Variants in ZEB1 observed in about 807,000 individuals in gnomAD.
The protein encoded by ZEB1 is zinc finger E-box binding homeobox 1.
ZEB1 carries 21 observed loss-of-function variants against 84.9 expected under a neutral mutation model. The ratio of observed to expected loss-of-function variants is 0.25; its 90% CI spans 0.18 to 0.36. ZEB1 has a LOEUF of 0.36. ZEB1 is among the 10% of genes least tolerant of loss of function. The probability of loss-of-function intolerance (pLI) is 1.00; values close to 1 mark genes in which losing one functional copy is unlikely to be tolerated. For missense variants in ZEB1, 1,104 were observed against 1,330.2 expected, an observed-to-expected ratio of 0.83 and a Z score of 2.65; for synonymous variants, 420 against 471.1, an observed-to-expected ratio of 0.89 and a Z score of 1.41.
At chr10:31,468,292 A>G (rs1417580100) in intron 2 of ZEB1, among the ~76,000 whole-genome samples, 1 of 152,044 alleles carries the variant, frequency 6.6e-6, no homozygotes, top group East Asian at 1.9e-4. Context: ...ACACTCTTGT[A>G]TTCCTTATCA....
chr10:31,341,285 G>T (rs138397278), intron 1 of ZEB1, among the ~76,000 whole-genome samples: 34 of 152,102 alleles, frequency 2.2e-4, no homozygotes, highest in African/African-American at 6.5e-4. Flanking sequence ...TGGAGAAGAG[G>T]GAGTAGATTT....
chr10:31,421,597 C>G (rs1473268604), intron 1 of ZEB1, among the ~76,000 whole-genome samples: 3 of 151,912 alleles, frequency 2.0e-5, no homozygotes, highest in Non-Finnish European at 4.4e-5. Flanking sequence ...ATTGGTTTAT[C>G]TGTTAAAACC....
In ZEB1 at chr10:31,361,147, C is replaced by A. The variant is rs1166512536; in HGVS notation, c.58+41855C>A. ...AAAAGAAGAACTGATTGAAGAGTGGCAACCAGAACCTCTTGTTCCTCCTGT... is the reference window on the plus strand; with the variant it reads ...AAAAGAAGAACTGATTGAAGAGTGGAAACCAGAACCTCTTGTTCCTCCTGT... On this transcript the variant is annotated intron_variant, in intron 1 of 8. Transcript: ENST00000424869. The A allele has an allele frequency of 1.1e-5, 17 of 1,611,998 alleles. 1 individual carries two copies. The highest frequency in any genetic ancestry group is 4.5e-4 in the Middle Eastern group (2 of 4,430).
chr10:31,485,427 C>G (rs540147232), intron 2 of ZEB1, among the ~76,000 whole-genome samples: 2 of 151,894 alleles, frequency 1.3e-5, no homozygotes, highest in African/African-American at 4.8e-5. Context: ...ATAATTGACT[C>G]TAAAGCGTTT....
chr10:31,457,211 A>C (rs1056017422), intron 1 of ZEB1, among the ~76,000 whole-genome samples: 8 of 152,178 alleles, frequency 5.3e-5, no homozygotes, highest in African/African-American at 1.9e-4. Context: ...TATAGAGATC[A>C]TTGGACAGAA....
At chr10:31,378,431 T>C (rs1023033439) in intron 1 of ZEB1, among the ~76,000 whole-genome samples, 3 of 151,842 alleles carry the variant, frequency 2.0e-5, no homozygotes, top group Non-Finnish European at 4.4e-5. Flanking sequence ...ATGCCCTTTA[T>C]AGGCTTAGTA....
chr10:31,490,396 T>C (rs1386271091), intron 2 of ZEB1, among the ~76,000 whole-genome samples: 1 of 151,718 alleles, frequency 6.6e-6, no homozygotes, highest in Non-Finnish European at 1.5e-5. Flanking sequence ...CTCTGTCTTA[T>C]TCAAAGTGGA....
At chr10:31,322,418 T>C (rs1287695340) in intron 1 of ZEB1, among the ~76,000 whole-genome samples, 1 of 152,254 alleles carries the variant, frequency 6.6e-6, no homozygotes, top group Admixed American at 6.5e-5. Flanking sequence ...TATATGTAAA[T>C]AATGTTTTAT....
chr10:31,328,199 A>G (rs1380585283), intron 1 of ZEB1, among the ~76,000 whole-genome samples: 1 of 152,124 alleles, frequency 6.6e-6, no homozygotes, highest in Non-Finnish European at 1.5e-5. Flanking sequence ...TTATATGTCT[A>G]ATGCATCAGG....
intron 1 of ZEB1, among the ~76,000 whole-genome samples, chr10:31,348,449 A>G (rs1036822960): frequency 1.3e-5 from 2 of 152,114 alleles, no homozygotes; most frequent in Admixed American, 1.3e-4. Flanking sequence ...CTGTAATCCC[A>G]GCTACTCAGG....
chr10:31,335,896 G>T (rs745894183), intron 1 of ZEB1, among the ~76,000 whole-genome samples: 5 of 152,132 alleles, frequency 3.3e-5, no homozygotes, highest in Non-Finnish European at 7.4e-5. Context: ...AAATTTGGAT[G>T]CAGAATTATT....
intron 1 of ZEB1, among the ~76,000 whole-genome samples, chr10:31,424,916 A>T (rs182293864): frequency 6.6e-6 from 1 of 152,198 alleles, no homozygotes; most frequent in Non-Finnish European, 1.5e-5. Context: ...TAAACAAAAC[A>T]GTCAGTATAG....
At chr10:31,321,305 A>G in intron 1 of ZEB1, 2 of 1,404,940 alleles carry the variant, frequency 1.4e-6, no homozygotes, top group Non-Finnish European at 9.3e-7. Flanking sequence ...AGCCATCATT[A>G]AAATCACTGC....
chr10:31,354,550 T>G (rs538033793), intron 1 of ZEB1, among the ~76,000 whole-genome samples: 606 of 152,324 alleles, frequency 4.0e-3, no homozygotes, highest in Non-Finnish European at 6.5e-3. Flanking sequence ...CTTCCTGATC[T>G]TTAACACTTT....
At chr10:31,488,144 T>C (rs1479293126) in intron 2 of ZEB1, among the ~76,000 whole-genome samples, 1 of 151,290 alleles carries the variant, frequency 6.6e-6, no homozygotes, top group African/African-American at 2.4e-5. Context: ...AATATTTAAA[T>C]TGGTGTTATT....
intron 1 of ZEB1, among the ~76,000 whole-genome samples, chr10:31,450,878 G>A (rs1484028531): frequency 1.3e-5 from 2 of 151,984 alleles, no homozygotes; most frequent in African/African-American, 4.8e-5. Flanking sequence ...CTGAGCGTGT[G>A]TGTGTGTGTG....
chr10:31,418,386 G>A (rs930081234), intron 1 of ZEB1, among the ~76,000 whole-genome samples: 4 of 152,036 alleles, frequency 2.6e-5, no homozygotes, highest in Non-Finnish European at 5.9e-5. Context: ...GGACGGAGTG[G>A]ATGGGGGGAT....
chr10:31,434,835 G>T (rs1010253945), intron 1 of ZEB1, among the ~76,000 whole-genome samples: 10 of 152,124 alleles, frequency 6.6e-5, no homozygotes, highest in Non-Finnish European at 1.5e-5. Flanking sequence ...GTTTTAGTTT[G>T]TTCATTAGTT....
chr10:31,327,277 A>AT (rs1180611071), intron 1 of ZEB1, among the ~76,000 whole-genome samples: 1 of 151,208 alleles, frequency 6.6e-6, no homozygotes, highest in Non-Finnish European at 1.5e-5. Context: ...TGCCTGGCTG[A>AT]TTTTTGTATT....
Sources: gnomAD v4.1 joint callset for allele counts (sites outside exome capture counted in the v4.1 genomes callset) on GRCh38, gnomAD v4.1.1 for gene constraint, MANE v1.5 for transcripts, NCBI Gene and HGNC (gene_info 2026-07-23, HGNC 2026-07-21) for gene names.